NOS1: variants seen among roughly 807,000 people sequenced by gnomAD.
NOS1 encodes NOS type I.
In NOS1, 51 loss-of-function variants were observed where a neutral mutation model predicts 164.5. The ratio of observed to expected loss-of-function variants is 0.31; its 90% CI spans 0.25 to 0.39. The LOEUF (loss-of-function observed/expected upper bound fraction) is 0.39. Ranked by LOEUF, NOS1 falls within the 10% of genes least tolerant of loss-of-function variation. The pLI, the probability that NOS1 is intolerant of heterozygous loss-of-function variation, is 1.00. For missense variants in NOS1, 1,362 were observed against 1,885.6 expected, an observed-to-expected ratio of 0.72 and a Z score of 5.14; for synonymous variants, 719 against 745.8, an observed-to-expected ratio of 0.96 and a Z score of 0.59.
At chr12:117,254,006 C>G (rs1439815210) in intron 16 of NOS1, among the ~76,000 whole-genome samples, 1 of 152,132 alleles carries the variant, frequency 6.6e-6, no homozygotes, top group Non-Finnish European at 1.5e-5. Flanking sequence ...ACTCAGGAAA[C>G]CTGAGACCCA....
At chr12:117,238,421 G>C (rs1869895316) in intron 20 of NOS1, among the ~76,000 whole-genome samples, 1 of 152,100 alleles carries the variant, frequency 6.6e-6, no homozygotes, top group African/African-American at 2.4e-5. Context: ...CTCCTCACCA[G>C]GCATCTATAA....
intron 20 of NOS1, among the ~76,000 whole-genome samples, chr12:117,240,808 A>T (rs1038539833): frequency 6.6e-6 from 1 of 152,278 alleles, no homozygotes; most frequent in Non-Finnish European, 1.5e-5. Context: ...CCGCACAGCT[A>T]GTGTGTGGCA....
chr12:117,235,969 G>A (rs1869673072), intron 20 of NOS1, among the ~76,000 whole-genome samples: 1 of 151,980 alleles, frequency 6.6e-6, no homozygotes, highest in Non-Finnish European at 1.5e-5. Context: ...CTTGAACCCA[G>A]GAGGTGGAGG....
rs1956552690 is a variant in NOS1, at chr12:117,213,066, C to T, written c.*2243G>A. 2.0e-6 allele frequency: 2 copies of T among 985,442 alleles called. No homozygotes were observed. Among genetic ancestry groups the T allele is most frequent in the Non-Finnish European group, 2.4e-6 (2 of 829,936 alleles). 61.0% of individuals were successfully genotyped at this position (985,442 alleles called of 1,614,324 possible). A position where few individuals can be genotyped will look rare whatever the true frequency, so the allele number is the denominator to read the frequency against. On this transcript the variant is annotated 3_prime_UTR_variant, in exon 29 of 29. Transcript: ENST00000317775. ...AGACAATGTTTCCATCTGTCTGCTA[C>T]TAGAAAGGCAGGCACATGCAGAAAG...
rs1446442252 is a variant in NOS1, at chr12:117,211,838, G to A, written c.*3471C>T. On this transcript the variant is annotated 3_prime_UTR_variant, in exon 29 of 29. Coordinates refer to ENST00000317775, the MANE Select transcript of NOS1 (RefSeq NM_000620.5). ...CCAGCACTTTGGGAGGCTGAGGTGC[G>A]TGGATCATTTGAGGTCAGGAATTCA... 15 of 967,840 alleles carry A rather than the reference G, an allele frequency of 1.5e-5. No homozygotes were observed. The South Asian group carries it at 2.9e-4, about 18-fold the overall frequency. The allele number at this position is 967,840 out of a possible 1,614,324, so 60.0% of individuals were successfully genotyped here. A position where few individuals can be genotyped will look rare whatever the true frequency, so the allele number is the denominator to read the frequency against.
In NOS1 at chr12:117,213,204, G is replaced by A; in HGVS notation, c.*2105C>T. The A allele has an allele frequency of 2.0e-6, 2 of 985,434 alleles. No individual in the cohort carries two copies. Among genetic ancestry groups the A allele is most frequent in the African/African-American group, 1.7e-5 (1 of 57,350 alleles). 61.0% of individuals were successfully genotyped at this position (985,434 alleles called of 1,614,324 possible). On this transcript the variant is annotated 3_prime_UTR_variant, in exon 29 of 29. Coordinates refer to ENST00000317775, the MANE Select transcript of NOS1 (RefSeq NM_000620.5). ...GCACTGATCAATTTGTCTTTAATGG[G>A]GATTGGACACAACAGTTTCCTTCCC...
At chr12:117,245,361 G>A (rs1051640953) in intron 18 of NOS1, among the ~76,000 whole-genome samples, 21 of 152,010 alleles carry the variant, frequency 1.4e-4, no homozygotes, top group Admixed American at 1.2e-3. Context: ...TTTATCCCCC[G>A]GTGGCCTTAA....
chr12:117,264,115 AC>A, intron 12 of NOS1, 141 bp from the exon 13 acceptor site: 1 of 148,478 alleles, frequency 6.7e-6, no homozygotes, highest in Non-Finnish European at 1.3e-5. Context: ...AGTGGTGACC[AC>A]CATGGGGGAA....
chr12:117,317,133 G>A (rs896518764), intron 2 of NOS1, among the ~76,000 whole-genome samples: 2 of 151,972 alleles, frequency 1.3e-5, no homozygotes, highest in Non-Finnish European at 2.9e-5. Flanking sequence ...TATCCGCCTC[G>A]GCCTCCCAAA....
At chr12:117,256,937 T>A (rs11068429) in intron 16 of NOS1, among the ~76,000 whole-genome samples, 1 of 151,606 alleles carries the variant, frequency 6.6e-6, no homozygotes, top group African/African-American at 2.4e-5. Flanking sequence ...CCAGGCATGG[T>A]GGTGTGTGCC....
At chr12:117,334,100 C>A (rs1337029605) in intron 1 of NOS1, among the ~76,000 whole-genome samples, 1 of 152,204 alleles carries the variant, frequency 6.6e-6, no homozygotes, top group Non-Finnish European at 1.5e-5. Flanking sequence ...CTTTGGTGTA[C>A]TTTGCTTAAG....
chr12:117,251,845 C>T (rs929139179), intron 17 of NOS1, among the ~76,000 whole-genome samples: 1 of 152,046 alleles, frequency 6.6e-6, no homozygotes, highest in African/African-American at 2.4e-5. Context: ...GATCTTCCCA[C>T]CTCAGTCTCC....
intron 14 of NOS1, 144 bp downstream of exon 14, chr12:117,260,321 C>T: frequency 1.2e-6 from 1 of 810,996 alleles, no homozygotes; most frequent in Non-Finnish European, 1.9e-6. Flanking sequence ...GAAATTTATG[C>T]AAATGTGTAT....
At chr12:117,256,038 C>T in intron 16 of NOS1, 1 of 1,415,414 alleles carries the variant, frequency 7.1e-7, no homozygotes, top group Non-Finnish European at 9.3e-7. Context: ...TTCCGGGTAC[C>T]TAGAGGGGAG....
intron 1 of NOS1, among the ~76,000 whole-genome samples, chr12:117,352,225 T>C (rs983995131): frequency 6.7e-6 from 1 of 149,702 alleles, no homozygotes. Flanking sequence ...GCATACATAA[T>C]ACAGTGTTCA....
chr12:117,212,862 G>C lies in NOS1; in HGVS notation c.*2447C>G. On this transcript the variant is annotated 3_prime_UTR_variant, in exon 29 of 29. Transcript: ENST00000317775. ...TACTCAACAGAGAGAGAGGCTTTTG[G>C]TATCAGGAATTCTGGCAAATGAAAG... 1 of 985,390 alleles carries C rather than the reference G, an allele frequency of 1.0e-6. No homozygotes were observed. The highest frequency in any genetic ancestry group is 1.2e-6 in the Non-Finnish European group (1 of 829,936). 61.0% of individuals were successfully genotyped at this position (985,390 alleles called of 1,614,324 possible).
intron 9 of NOS1, among the ~76,000 whole-genome samples, chr12:117,276,243 AC>A (rs1388555726): frequency 1.3e-5 from 2 of 152,120 alleles, no homozygotes; most frequent in African/African-American, 4.8e-5. Context: ...GACTATAGTC[AC>A]CCTGTTGTGC....
At chr12:117,227,144 G>A (rs1335623176) in intron 23 of NOS1, among the ~76,000 whole-genome samples, 1 of 152,144 alleles carries the variant, frequency 6.6e-6, no homozygotes, top group Non-Finnish European at 1.5e-5. Flanking sequence ...ACAGCAGAGC[G>A]CTCTCCCAGG....
At chr12:117,224,982 G>C (rs1868526217) in intron 25 of NOS1, 34 bp downstream of exon 25, 2 of 1,613,818 alleles carry the variant, frequency 1.2e-6, no homozygotes, top group Non-Finnish European at 1.7e-6. Context: ...AGGTCCGGGG[G>C]TGGGAACCAA....
Sources: allele counts gnomAD v4.1 joint callset (sites outside exome capture counted in the v4.1 genomes callset), GRCh38; gene constraint gnomAD v4.1.1; transcripts MANE v1.5; gene names NCBI Gene and HGNC (gene_info 2026-07-23, HGNC 2026-07-21).